HOXD3: variants seen among roughly 807,000 people sequenced by gnomAD.
HOXD3 encodes homeobox D3.
In HOXD3, 13 loss-of-function variants were observed where a neutral mutation model predicts 32.8. That is an observed-to-expected ratio of 0.40 (90% CI 0.26 to 0.63). HOXD3 has a LOEUF of 0.63. Ranked by LOEUF, HOXD3 falls within the 20% of genes least tolerant of loss-of-function variation. The pLI is 0.44. For missense variants in HOXD3, 504 were observed against 577.1 expected, an observed-to-expected ratio of 0.87 and a Z score of 1.30; for synonymous variants, 241 against 246.8, an observed-to-expected ratio of 0.98 and a Z score of 0.22.
Position 176,169,505 on chromosome 2 carries a change from C to G in HOXD3, c.391C>G (p.Pro131Ala). Residue 131 changes from proline to alanine, a missense_variant, in exon 3 of 4, where the codon CCC (proline) becomes GCC (alanine). Transcript: ENST00000683222. ...PPPPTLPPSS[P>A]TNPGGGVPAK... ...ACCACCGACCCTGCCCCCATCTTCA[C>G]CCACCAATCCTGGAGGTGGAGTGCC... 1 of 1,614,032 alleles carries G rather than the reference C, an allele frequency of 6.2e-7. No homozygotes were observed. Among genetic ancestry groups the G allele is most frequent in the Non-Finnish European group, 8.5e-7 (1 of 1,179,968 alleles).
chr2:176,164,490 G>A (rs371947687), intron 2 of HOXD3: 1 of 152,202 alleles, frequency 6.6e-6, no homozygotes, highest in East Asian at 1.9e-4. Context: ...GGGAGAACTT[G>A]GGCGGAACGT....
At chr2:176,157,554 C>T (rs1237772447) in intron 1 of HOXD3, among the ~76,000 whole-genome samples, 102 bp downstream of exon 1, 1 of 152,092 alleles carries the variant, frequency 6.6e-6, no homozygotes, top group East Asian at 1.9e-4. Context: ...TGATTTGGAA[C>T]TGCGCGCCGG....
intron 1 of HOXD3, among the ~76,000 whole-genome samples, chr2:176,163,308 C>A (rs914037307): frequency 6.6e-6 from 1 of 151,684 alleles, no homozygotes; most frequent in Non-Finnish European, 1.5e-5. Flanking sequence ...AGGGCAGATG[C>A]AAGAGGGGGA....
chr2:176,171,445 A>G, intron 3 of HOXD3, 72 bp from the exon 4 acceptor site: 1 of 1,351,234 alleles, frequency 7.4e-7, no homozygotes, highest in Non-Finnish European at 1.0e-6. Flanking sequence ...AGAACCAGGG[A>G]AGCACCCCTC....
chr2:176,154,915 C>T (rs1690613903), upstream of HOXD3, among the ~76,000 whole-genome samples: 1 of 152,270 alleles, frequency 6.6e-6, no homozygotes, highest in African/African-American at 2.4e-5. Context: ...TTTCTGACGC[C>T]CTCACGTTGA....
rs764814387 is a variant in HOXD3, at chr2:176,172,066, A to G, written c.1091A>G (p.Glu364Gly). 1.7e-4 allele frequency: 279 copies of G among 1,610,462 alleles called. 6 individuals are homozygous for G. The South Asian group carries it at 2.3e-3, about 13-fold the overall frequency. Residue 364 changes from glutamate to glycine, a missense_variant, in exon 4 of 4, where the codon GAG becomes GGG. Around this residue, in one of 3 missense-constraint regions of HOXD3, gnomAD observed 226 missense variants for 246.9 expected, o/e 0.92. Transcript: ENST00000683222. ...SPVYVGGNFVESMAPASGPVF... is the reference protein window; with the variant it reads ...SPVYVGGNFVGSMAPASGPVF... ...GTGTACGTGGGCGGCAACTTCGTCG[A>G]GTCCATGGCGCCCGCGTCCGGGCCT...
chr2:176,172,083 T>A lies in HOXD3; in HGVS notation c.1108T>A (p.Ser370Thr). The A allele has an allele frequency of 6.2e-7, 1 of 1,611,512 alleles. No individual in the cohort carries two copies. Among genetic ancestry groups the A allele is most frequent in the Non-Finnish European group, 8.5e-7 (1 of 1,179,718 alleles). Residue 370 changes from serine (S) to threonine (T), a missense_variant, in exon 4 of 4, where the codon TCC becomes ACC. Transcript: ENST00000683222. ...CTTCGTCGAGTCCATGGCGCCCGCGTCCGGGCCTGTCTTCAACCTGGGCCA... is the reference window on the plus strand; with the variant it reads ...CTTCGTCGAGTCCATGGCGCCCGCGACCGGGCCTGTCTTCAACCTGGGCCA... ...GNFVESMAPA[S>T]GPVFNLGHLS...
chr2:176,169,583 A>G lies in HOXD3; in HGVS notation c.469A>G (p.Ser157Gly). 1 of 1,613,868 alleles carries G rather than the reference A, an allele frequency of 6.2e-7. No individual in the cohort carries two copies. The highest frequency in any genetic ancestry group is 8.5e-7 in the Non-Finnish European group (1 of 1,179,916). Residue 157 changes from serine to glycine, a missense_variant, in exon 3 of 4, where the codon AGC (serine) becomes GGC (glycine). Ser to Gly is a moderately conservative substitution (Grantham distance 56). Transcript: ENST00000683222. ...PNASSSSATI[S>G]KQIFPWMKES... is the part of the protein sequence containing the mutation. The stretch of plus-strand genomic sequence containing the variant: ...TGCTTCTAGCTCCTCAGCCACCATC[A>G]GCAAGCAGATCTTCCCCTGGATGAA...
At chr2:176,158,279 G>T (rs568034704) in intron 1 of HOXD3, among the ~76,000 whole-genome samples, 1 of 152,364 alleles carries the variant, frequency 6.6e-6, no homozygotes, top group East Asian at 1.9e-4. Context: ...GGAGAGGCCA[G>T]TGCGGGCTGC....
At chr2:176,161,662 G>A (rs921481668) in intron 1 of HOXD3, among the ~76,000 whole-genome samples, 25 of 152,266 alleles carry the variant, frequency 1.6e-4, no homozygotes, top group African/African-American at 5.8e-4. Flanking sequence ...TTTCTTGGGA[G>A]ATTAAAACGC....
rs1691235706 is a variant in HOXD3 at position 176,172,615 on chromosome 2, G to A, written c.*341G>A. The A allele has an allele frequency of 3.3e-6, 1 of 306,170 alleles. No homozygotes were observed. The highest frequency in any genetic ancestry group is 4.5e-5 in the Admixed American group (1 of 22,034). The allele number at this position is 306,170 out of a possible 1,614,324, so 19.0% of individuals were successfully genotyped here. A position where few individuals can be genotyped will look rare whatever the true frequency, so the allele number is the denominator to read the frequency against. ...CGCCCTGCAGAGGGACCAGAGCTTG[G>A]AGAGTCTTGGGCCTGGCCCGCGTCT... is the stretch of plus-strand genomic sequence containing the variant. On this transcript the variant is annotated 3_prime_UTR_variant, in exon 4 of 4. Coordinates refer to ENST00000683222, the MANE Select transcript of HOXD3 (RefSeq NM_006898.5).
In HOXD3 at chr2:176,171,762, G is replaced by C. The variant is rs569089217; in HGVS notation, c.787G>C (p.Ala263Pro). ...GGCCAAGGGCATCCTGCACTCGCCG[G>C]CTAGCCAGTCCCCTGAGCGCAGCCC... ...QKAKGILHSPASQSPERSPPL... is the reference protein window; with the variant it reads ...QKAKGILHSPPSQSPERSPPL... The change falls in exon 4 of 4, where the codon GCT becomes CCT. Residue 263 changes from alanine to proline, a missense_variant. By Grantham distance (27) the Ala-to-Pro change is conservative. Around this residue, in one of 3 missense-constraint regions of HOXD3, gnomAD observed 226 missense variants for 246.9 expected, o/e 0.92. Transcript: ENST00000683222. 3.7e-6 allele frequency: 6 copies of C among 1,613,826 alleles called. No individual in the cohort carries two copies. The South Asian group carries it at 5.5e-5, about 15-fold the overall frequency.
chr2:176,167,110 C>G lies in HOXD3; in HGVS notation c.-84-1921C>G, dbSNP rs538498380. 8.5e-5 allele frequency among the ~76,000 whole-genome samples: 13 copies of G among 152,232 alleles called. No individual in the cohort carries two copies. The South Asian group carries it at 2.7e-3, about 32-fold the overall frequency. On this transcript the variant is annotated intron_variant, in intron 2 of 3. Coordinates refer to ENST00000683222, the MANE Select transcript of HOXD3 (RefSeq NM_006898.5). ...TAGTTATACTTTAACTCTTTAGGAG[C>G]CTTTCAGAAGAAGTAGGGAGGCAGG...
At chr2:176,153,295 C>T (rs1256999174), upstream of HOXD3, 3 of 299,820 alleles carry the variant, frequency 1.0e-5, no homozygotes, top group African/African-American at 2.1e-5. Context: ...TGGACATTCT[C>T]CCCCACTCCA....
At chr2:176,159,250 G>T (rs1217424206) in intron 1 of HOXD3, among the ~76,000 whole-genome samples, 1 of 152,066 alleles carries the variant, frequency 6.6e-6, no homozygotes. Flanking sequence ...GTGGGCTGGG[G>T]TCACCCACGA....
rs1574990657 is a variant in HOXD3, at chr2:176,172,860, CT to C, written c.*587del. ...GCCACATTTCACCTCCTTAGTCCCC[CT>C]GGTCTGAACTAGTTGAGAGAGTAGT... On this transcript the variant is annotated 3_prime_UTR_variant, in exon 4 of 4. Coordinates refer to ENST00000683222, the MANE Select transcript of HOXD3 (RefSeq NM_006898.5). The C allele has an allele frequency of 3.3e-5, 5 of 153,400 alleles. No homozygotes were observed. The highest frequency in any genetic ancestry group is 5.8e-5 in the Non-Finnish European group (4 of 68,492). The allele number at this position is 153,400 out of a possible 1,614,324, so 9.5% of individuals were successfully genotyped here.
At position 176,172,768 on chromosome 2, in the gene HOXD3, A is replaced by C. The variant is rs1691240315; in HGVS notation, c.*494A>C. The C allele has an allele frequency of 6.4e-6, 1 of 156,928 alleles. No individual in the cohort carries two copies. The highest frequency in any genetic ancestry group is 1.4e-5 in the Non-Finnish European group (1 of 71,068). 9.7% of individuals were successfully genotyped at this position (156,928 alleles called of 1,614,324 possible). ...TCCCTGATTATTTATCCTTGTCTGA[A>C]TGTATTTATGTGTATATTTGTAGAT... is the stretch of plus-strand genomic sequence containing the variant. On this transcript the variant is annotated 3_prime_UTR_variant, in exon 4 of 4. Coordinates refer to ENST00000683222, the MANE Select transcript of HOXD3 (RefSeq NM_006898.5).
rs199964353 is a variant in HOXD3 at position 176,169,219 on chromosome 2, C to T, written c.105C>T (p.Ser35=). 8.0e-5 allele frequency: 129 copies of T among 1,614,028 alleles called. No homozygotes were observed. Among genetic ancestry groups the T allele is most frequent in the Non-Finnish European group, 1.1e-4 (124 of 1,180,030 alleles). ...NPGLFGGYGY[S]KTTDTYGYST... is the part of the protein sequence containing the mutation. ...GACTGTTTGGAGGCTATGGCTACAG[C>T]AAAACTACGGACACTTACGGCTACA... is the stretch of plus-strand genomic sequence containing the variant. Residue 35 remains serine (S), a synonymous_variant, in exon 3 of 4, where the codon AGC becomes AGT. Coordinates refer to ENST00000683222, the MANE Select transcript of HOXD3 (RefSeq NM_006898.5).
Position 176,169,495 on chromosome 2 carries a change from C to T in HOXD3, c.381C>T (p.Pro127=). Residue 127 remains proline (P), a synonymous_variant, in exon 3 of 4, where the codon CCC becomes CCT. Transcript: ENST00000683222. ...PQPPPPPPTL[P]PSSPTNPGGG... ...CCCCTCCTCCACCACCGACCCTGCC[C>T]CCATCTTCACCCACCAATCCTGGAG... The T allele has an allele frequency of 6.2e-7, 1 of 1,614,018 alleles. No individual in the cohort carries two copies. Among genetic ancestry groups the T allele is most frequent in the Non-Finnish European group, 8.5e-7 (1 of 1,179,956 alleles).
Sources: gnomAD v4.1 joint callset for allele counts (sites outside exome capture counted in the v4.1 genomes callset) on GRCh38, gnomAD v4.1.1 for gene constraint, gnomAD v4.1.1 regional missense constraint, MANE v1.5 for transcripts, NCBI Gene and HGNC (gene_info 2026-07-23, HGNC 2026-07-21) for gene names.